Variants in HARBI1 observed in about 807,000 individuals in gnomAD.
The protein encoded by HARBI1 is harbinger transposase derived 1.
A neutral mutation model predicts 25.3 loss-of-function variants in HARBI1; 15 were observed. That is an observed-to-expected ratio of 0.59 (90% CI 0.40 to 0.91). HARBI1 has a LOEUF of 0.91. Ranked by LOEUF, HARBI1 falls within the 40% of genes least tolerant of loss-of-function variation. The pLI, the probability that HARBI1 is intolerant of heterozygous loss-of-function variation, is 0.00. For synonymous variants in HARBI1, 168 were observed against 160.5 expected, an observed-to-expected ratio of 1.05 and a Z score of -0.35; for missense variants, 396 against 445.8, an observed-to-expected ratio of 0.89 and a Z score of 1.01.
intron 2 of HARBI1, among the ~76,000 whole-genome samples, chr11:46,607,331 A>C (rs1203180244): frequency 1.3e-5 from 2 of 151,410 alleles, no homozygotes; most frequent in Non-Finnish European, 2.9e-5. Flanking sequence ...TATTGAACTT[A>C]TTTTTCAAAT....
Position 46,616,008 on chromosome 11 carries a change from A to C in HARBI1, c.230T>G (p.Leu77Trp), listed in dbSNP as rs774584740. 9 of 1,614,214 alleles carry C rather than the reference A, an allele frequency of 5.6e-6. No homozygotes were observed. The highest frequency in any genetic ancestry group is 7.6e-6 in the Non-Finnish European group (9 of 1,180,044). The change falls in exon 2 of 3, where the codon TTG becomes TGG. Residue 77 changes from leucine (L) to tryptophan (W), a missense_variant. Physicochemically the swap from Leu to Trp is moderately conservative, Grantham distance 61. Coordinates refer to ENST00000326737, the MANE Select transcript of HARBI1 (RefSeq NM_173811.4). ...GAAGGAACCTGAGGTATAAAAACCC[A>C]ATGCTGCAAGGACCTGTGTCTCTGG... ...ISPETQVLAA[L>W]GFYTSGSFQT... is the part of the protein sequence containing the mutation.
chr11:46,603,994 T>C (rs533709732), intron 2 of HARBI1, 85 bp from the exon 3 acceptor site: 47 of 1,475,158 alleles, frequency 3.2e-5, no homozygotes, highest in East Asian at 2.9e-4. Flanking sequence ...ATACTGACAA[T>C]GGACAAGAAA....
chr11:46,616,419 A>G (rs2045470964), intron 1 of HARBI1, 38 bp from the exon 2 acceptor site: 2 of 1,410,784 alleles, frequency 1.4e-6, no homozygotes, highest in South Asian at 1.6e-5. Context: ...GGAACCTACC[A>G]AAGACTTTAA....
chr11:46,605,649 G>A (rs962809766), intron 2 of HARBI1, among the ~76,000 whole-genome samples: 2 of 135,592 alleles, frequency 1.5e-5, no homozygotes, highest in Admixed American at 1.7e-4. Context: ...GTGCAGTGGT[G>A]CAATCTCAGC....
chr11:46,605,401 CTA>C (rs1202155301), intron 2 of HARBI1, among the ~76,000 whole-genome samples: 1 of 151,858 alleles, frequency 6.6e-6, no homozygotes, highest in East Asian at 1.9e-4. Flanking sequence ...GGAGGTTTCA[CTA>C]TGTTACCCAG....
chr11:46,611,370 A>G (rs891189208), intron 2 of HARBI1, among the ~76,000 whole-genome samples: 47 of 152,244 alleles, frequency 3.1e-4, no homozygotes, highest in African/African-American at 1.0e-3. Context: ...AAATGCTTAC[A>G]ATATTGCCTG....
At position 46,609,151 on chromosome 11, in the gene HARBI1, T is replaced by C. The variant is rs550334760; in HGVS notation, c.671-5242A>G. ...CTTGGCCAGGCTGGTCTCAAACTTC[T>C]GACCTCAGGTGATGTGCCCGCCTTG... On this transcript the variant is annotated intron_variant, in intron 2 of 2. Transcript: ENST00000326737. Among the ~76,000 whole-genome samples, 4 of 152,238 alleles carry C rather than the reference T, an allele frequency of 2.6e-5. No homozygotes were observed. The South Asian group carries it at 6.2e-4, about 24-fold the overall frequency.
At position 46,616,277 on chromosome 11, in the gene HARBI1, A is replaced by G; in HGVS notation, c.-40T>C. The G allele has an allele frequency of 6.4e-7, 1 of 1,568,652 alleles. No homozygotes were observed. The highest frequency in any genetic ancestry group is 8.6e-7 in the Non-Finnish European group (1 of 1,162,410). ...TTGGCTCTCCTCTTTGCTTTTTCTG[A>G]ACTGTTCCCAATGAAGATGTTGGTG... On this transcript the variant is annotated 5_prime_UTR_variant, in exon 2 of 3. Transcript: ENST00000326737.
At position 46,603,513 on chromosome 11, in the gene HARBI1, C is replaced by A; in HGVS notation, c.*17G>T. On this transcript the variant is annotated 3_prime_UTR_variant, in exon 3 of 3. Transcript: ENST00000326737. ...GTCACAACTCCTGGGAAGTATCCCT[C>A]CTCTCCACCTTCTACATTAGCTAAA... 2 of 1,559,552 alleles carry A rather than the reference C, an allele frequency of 1.3e-6. No homozygotes were observed. The highest frequency in any genetic ancestry group is 1.7e-6 in the Non-Finnish European group (2 of 1,150,068).
intron 2 of HARBI1, among the ~76,000 whole-genome samples, chr11:46,606,383 G>A (rs1240824751): frequency 2.6e-5 from 4 of 151,762 alleles, no homozygotes; most frequent in Admixed American, 1.3e-4. Context: ...TGCAATCTCG[G>A]CTCACTGCAA....
At chr11:46,606,323 T>C (rs1484844298) in intron 2 of HARBI1, among the ~76,000 whole-genome samples, 2 of 152,056 alleles carry the variant, frequency 1.3e-5, no homozygotes, top group African/African-American at 4.8e-5. Context: ...GGTACTTTTT[T>C]TTTTTTTGAG....
intron 2 of HARBI1, chr11:46,604,199 C>A: frequency 1.0e-6 from 1 of 985,338 alleles, no homozygotes; most frequent in Non-Finnish European, 1.2e-6. Flanking sequence ...GAGGTGAAGG[C>A]ACTGGAGGAA....
intron 2 of HARBI1, among the ~76,000 whole-genome samples, chr11:46,612,979 T>A (rs1259086969): frequency 7.8e-6 from 1 of 127,636 alleles, no homozygotes; most frequent in African/African-American, 3.0e-5. Context: ...GATTTTTTTT[T>A]TTTTTTTTTT....
intron 2 of HARBI1, among the ~76,000 whole-genome samples, chr11:46,609,237 T>C (rs887892043): frequency 6.6e-6 from 1 of 152,074 alleles, no homozygotes; most frequent in South Asian, 2.1e-4. Flanking sequence ...AATTTTTGTA[T>C]TTTTAGTAGA....
chr11:46,612,669 ATTT>A (rs1278987927), intron 2 of HARBI1, among the ~76,000 whole-genome samples: 3 of 139,926 alleles, frequency 2.1e-5, no homozygotes. Flanking sequence ...TGCAAAAATA[ATTT>A]TTTTTTTTTT....
intron 2 of HARBI1, among the ~76,000 whole-genome samples, chr11:46,612,695 A>G (rs1416283815): frequency 6.8e-6 from 1 of 147,150 alleles, no homozygotes; most frequent in African/African-American, 2.5e-5. Flanking sequence ...TTTGAGACAG[A>G]GTTTCGTTCT....
intron 2 of HARBI1, among the ~76,000 whole-genome samples, chr11:46,612,276 G>A (rs2045212218): frequency 6.6e-6 from 1 of 152,012 alleles, no homozygotes; most frequent in Non-Finnish European, 1.5e-5. Flanking sequence ...AACATAACAA[G>A]ACCCAATCTC....
intron 2 of HARBI1, among the ~76,000 whole-genome samples, chr11:46,607,921 A>C (rs906308224): frequency 1.3e-5 from 2 of 151,898 alleles, no homozygotes; most frequent in African/African-American, 4.8e-5. Context: ...CAAAAAAAAA[A>C]AAAAAAAAGG....
chr11:46,606,538 T>G (rs2044960783), intron 2 of HARBI1, among the ~76,000 whole-genome samples: 1 of 151,982 alleles, frequency 6.6e-6, no homozygotes, highest in African/African-American at 2.4e-5. Context: ...GGTCTCAAAC[T>G]CCCAACCTCA....
Sources: allele counts gnomAD v4.1 joint callset (sites outside exome capture counted in the v4.1 genomes callset), GRCh38; gene constraint gnomAD v4.1.1; transcripts MANE v1.5; gene names NCBI Gene and HGNC (gene_info 2026-07-23, HGNC 2026-07-21).